Variants in SVOP observed in about 807,000 individuals in gnomAD.
SVOP encodes the protein SV2 related protein.
A neutral mutation model predicts 69.1 loss-of-function variants in SVOP; 17 were observed. The observed-to-expected ratio is 0.25, with a 90% CI of 0.17 to 0.37. The LOEUF (loss-of-function observed/expected upper bound fraction) is 0.37. Among genes scored for constraint, SVOP ranks in the 10% least tolerant of loss-of-function variants. SVOP has a pLI of 1.00. For synonymous variants in SVOP, 238 were observed against 238.6 expected (o/e 1.00, Z 0.02); for missense variants, 435 against 597.5 (o/e 0.73, Z 2.84).
At chr12:108,956,763 T>C (rs1033930747) in intron 6 of SVOP, among the ~76,000 whole-genome samples, 1 of 151,644 alleles carries the variant, frequency 6.6e-6, no homozygotes, top group Non-Finnish European at 1.5e-5. Flanking sequence ...CCATATAGAG[T>C]GAAGGAGATG....
intron 5 of SVOP, among the ~76,000 whole-genome samples, chr12:108,961,559 A>G (rs1290472517): frequency 6.6e-6 from 1 of 152,134 alleles, no homozygotes; most frequent in Non-Finnish European, 1.5e-5. Context: ...TCAGAAAACC[A>G]TGCTGTCAAT....
intron 7 of SVOP, 106 bp downstream of exon 7, chr12:108,944,997 T>C (rs2039914333): frequency 9.8e-7 from 1 of 1,018,862 alleles, no homozygotes; most frequent in African/African-American, 1.6e-5. Context: ...GAGTCTGTAA[T>C]GTTTTTTTCT....
At chr12:108,936,297 A>C (rs541403686) in intron 10 of SVOP, among the ~76,000 whole-genome samples, 1 of 152,306 alleles carries the variant, frequency 6.6e-6, no homozygotes, top group South Asian at 2.1e-4. Flanking sequence ...CACCTGCCTC[A>C]GCCTCCCACA....
intron 12 of SVOP, among the ~76,000 whole-genome samples, chr12:108,920,594 C>CTT (rs71079507): frequency 0.21 from 25,007 of 121,122 alleles, 3,405 homozygotes; most frequent in East Asian, 0.4. Context: ...ATTTTTACAT[C>CTT]TTTTTTTTTT....
At chr12:108,949,025 C>T (rs1041217182) in intron 6 of SVOP, among the ~76,000 whole-genome samples, 14 of 152,138 alleles carry the variant, frequency 9.2e-5, no homozygotes, top group Admixed American at 9.2e-4. Flanking sequence ...AAGGGCAAAG[C>T]TATTTCTGTC....
At chr12:109,008,539 C>G (rs985053628) in intron 1 of SVOP, among the ~76,000 whole-genome samples, 1 of 152,028 alleles carries the variant, frequency 6.6e-6, no homozygotes, top group Non-Finnish European at 1.5e-5. Flanking sequence ...GAGCTTGTTC[C>G]TAGGATAGCA....
chr12:108,957,099 C>T (rs1412021269), intron 6 of SVOP, among the ~76,000 whole-genome samples: 4 of 152,104 alleles, frequency 2.6e-5, no homozygotes, highest in Non-Finnish European at 4.4e-5. Flanking sequence ...CTTCTGGGCT[C>T]GGTGGGTCTA....
intron 15 of SVOP, among the ~76,000 whole-genome samples, chr12:108,914,873 TAA>T (rs576696212): frequency 1.4e-5 from 2 of 144,586 alleles, no homozygotes; most frequent in African/African-American, 2.6e-5. Flanking sequence ...TTCCTTTTGT[TAA>T]AAAAAAAAAA....
At chr12:108,982,146 C>G (rs993040062) in intron 2 of SVOP, among the ~76,000 whole-genome samples, 1 of 151,950 alleles carries the variant, frequency 6.6e-6, no homozygotes, top group Non-Finnish European at 1.5e-5. Context: ...CTATCATCAT[C>G]ATTGCCAACC....
chr12:108,970,396 A>T (rs150086011), intron 5 of SVOP, among the ~76,000 whole-genome samples: 105,723 of 151,628 alleles, frequency 0.7, 37,293 homozygotes, highest in South Asian at 0.79. Flanking sequence ...ATGGTTATTA[A>T]GGGGATTGGA....
At chr12:108,974,724 C>T (rs1480475500) in intron 4 of SVOP, among the ~76,000 whole-genome samples, 1 of 77,250 alleles carries the variant, frequency 1.3e-5, no homozygotes, top group Non-Finnish European at 2.9e-5. Flanking sequence ...CAGAGAGACC[C>T]TATTTCAAAA....
intron 1 of SVOP, among the ~76,000 whole-genome samples, chr12:109,001,069 T>A (rs2040266138): frequency 6.6e-6 from 1 of 151,572 alleles, no homozygotes; most frequent in Non-Finnish European, 1.5e-5. Flanking sequence ...AACCCCATTG[T>A]CTCAGCCCCA....
At chr12:108,966,564 G>C (rs2040046953) in intron 5 of SVOP, among the ~76,000 whole-genome samples, 1 of 152,086 alleles carries the variant, frequency 6.6e-6, no homozygotes, top group Non-Finnish European at 1.5e-5. Context: ...AGTGTTCCTG[G>C]GGGAATTTTG....
intron 5 of SVOP, 54 bp from the exon 6 acceptor site, chr12:108,961,101 C>A: frequency 6.7e-7 from 1 of 1,500,636 alleles, no homozygotes; most frequent in Non-Finnish European, 8.9e-7. Context: ...CTCCAGGTAG[C>A]GTTTGCACCT....
intron 6 of SVOP, among the ~76,000 whole-genome samples, chr12:108,959,878 T>C (rs1566057581): frequency 6.6e-6 from 1 of 152,206 alleles, no homozygotes; most frequent in Non-Finnish European, 1.5e-5. Flanking sequence ...GAAGGTCCAG[T>C]TCCTATTCCA....
In SVOP at chr12:108,922,751, G is replaced by A. The variant is rs778922221; in HGVS notation, c.1095C>T (p.Cys365=). 3.9e-5 allele frequency: 63 copies of A among 1,611,390 alleles called. No homozygotes were observed. Among genetic ancestry groups the A allele is most frequent in the East Asian group, 2.0e-4 (9 of 44,834 alleles). The change falls in exon 12 of 16, where the codon TGC becomes TGT. Residue 365 remains cysteine, a synonymous_variant. Transcript: ENST00000610966. ...KAVEAKCSLA[C]EYLSEEDYMD... ...TGTAATCCTCCTCACTCAGGTACTC[G>A]CAGGCCAGGCTGCATTTTGCCTCTA... is the stretch of plus-strand genomic sequence containing the variant.
rs1383239725 is a variant in SVOP, at chr12:108,983,647, C to T, written c.150G>A (p.Leu50=). Residue 50 remains leucine, a synonymous_variant, in exon 2 of 16, where the codon CTG becomes CTA. Coordinates refer to ENST00000610966, the MANE Select transcript of SVOP (RefSeq NM_018711.5). ...CCTTGGGCACAGCTGCCCCATCATCCAGCTCCACAGCCTCTAGGCCCACGT... is the reference window on the plus strand; with the variant it reads ...CCTTGGGCACAGCTGCCCCATCATCTAGCTCCACAGCCTCTAGGCCCACGT... ...GVHVGLEAVE[L]DDGAAVPKEF... The T allele has an allele frequency of 2.5e-6, 1 of 398,782 alleles. No individual in the cohort carries two copies. The highest frequency in any genetic ancestry group is 2.1e-5 in the African/African-American group (1 of 48,652). 24.7% of individuals were successfully genotyped at this position (398,782 alleles called of 1,614,324 possible).
rs1407833223 is a variant in SVOP at position 108,983,761 on chromosome 12, C to T, written c.36G>A (p.Pro12=). 2.5e-6 allele frequency: 1 copy of T among 398,682 alleles called. No homozygotes were observed. Among genetic ancestry groups the T allele is most frequent in the African/African-American group, 2.1e-5 (1 of 48,636 alleles). The allele number at this position is 398,682 out of a possible 1,614,324, so 24.7% of individuals were successfully genotyped here. A position where few individuals can be genotyped will look rare whatever the true frequency, so the allele number is the denominator to read the frequency against. Residue 12 remains proline (P), a splice_region_variant and synonymous_variant, in exon 2 of 16, where the codon CCG becomes CCA. Transcript: ENST00000610966. ...CGCCTGTGCGACGGAATTTCACAAC[C>T]CTAGAGAACAGAACAAATCTGGTCA... ...EEDLFQLRQL[P]VVKFRRTGES... is the part of the protein sequence containing the mutation.
At position 108,945,402 on chromosome 12, in the gene SVOP, G is replaced by GTATT. The variant is rs1037629575; in HGVS notation, c.579-240_579-237dup. On this transcript the variant is annotated intron_variant, in intron 6 of 15. Transcript: ENST00000610966. ...CTGGCATCTGCATTTTTATTTTATT[G>GTATT]TATTTATTTATTTATTTATGAGTCT... Among the ~76,000 whole-genome samples the GTATT allele has an allele frequency of 2.5e-3, 377 of 152,006 alleles. 2 individuals carry two copies. The highest frequency in any genetic ancestry group is 8.8e-3 in the African/African-American group (366 of 41,444).
Sources: allele counts gnomAD v4.1 joint callset (sites outside exome capture counted in the v4.1 genomes callset), GRCh38; gene constraint gnomAD v4.1.1; transcripts MANE v1.5; gene names NCBI Gene and HGNC (gene_info 2026-07-23, HGNC 2026-07-21).